Variants in KHDRBS2 observed in about 807,000 individuals in gnomAD.
KHDRBS2 encodes KH domain-containing, RNA-binding, signal transduction-associated protein 2.
Under a neutral mutation model 44.3 loss-of-function variants are expected in KHDRBS2, and 26 were observed. That is an observed-to-expected ratio of 0.59 (90% CI 0.43 to 0.81). The LOEUF (loss-of-function observed/expected upper bound fraction) is 0.81. Among genes scored for constraint, KHDRBS2 ranks in the 40% least tolerant of loss-of-function variants. The pLI, the probability that KHDRBS2 is intolerant of heterozygous loss-of-function variation, is 0.00. For missense variants in KHDRBS2, 476 were observed against 433.1 expected (o/e 1.10, Z -0.88); for synonymous variants, 194 against 151.1 (o/e 1.28, Z -2.08).
chr6:61,964,521 C>G (rs1388308090), intron 4 of KHDRBS2, among the ~76,000 whole-genome samples: 1 of 151,994 alleles, frequency 6.6e-6, no homozygotes, highest in Non-Finnish European at 1.5e-5. Flanking sequence ...TGTATTTACA[C>G]ATCGAATTTT....
the KHDRBS2 span, among the ~76,000 whole-genome samples, chr6:61,673,538 C>T: frequency 1.4e-5 from 2 of 144,714 alleles, no homozygotes; most frequent in Non-Finnish European, 3.1e-5. Context: ...TCGTCTCAGC[C>T]CAAAATCTCC....
At chr6:61,731,623 A>C (rs938036431) in intron 7 of KHDRBS2, among the ~76,000 whole-genome samples, 1 of 152,070 alleles carries the variant, frequency 6.6e-6, no homozygotes, top group Non-Finnish European at 1.5e-5. Context: ...AATATTACTT[A>C]AGTCCTAAAG....
chr6:61,667,695 A>C, the KHDRBS2 span, among the ~76,000 whole-genome samples: 1 of 151,274 alleles, frequency 6.6e-6, no homozygotes, highest in African/African-American at 2.4e-5. Context: ...AGCACAGCAG[A>C]CTATTTGGCA....
intron 6 of KHDRBS2, among the ~76,000 whole-genome samples, chr6:61,772,938 A>T (rs569310054): frequency 1.3e-5 from 2 of 151,816 alleles, no homozygotes; most frequent in Non-Finnish European, 2.9e-5. Flanking sequence ...ATGATTTCCA[A>T]TTTCATCCAT....
intron 3 of KHDRBS2, among the ~76,000 whole-genome samples, chr6:61,979,031 T>C (rs1773309383): frequency 6.6e-6 from 1 of 152,148 alleles, no homozygotes; most frequent in Admixed American, 6.5e-5. Context: ...TATTGAAACC[T>C]GGTTAATTCA....
chr6:61,965,799 G>A (rs1018263756), intron 4 of KHDRBS2, among the ~76,000 whole-genome samples: 1 of 151,976 alleles, frequency 6.6e-6, no homozygotes, highest in Non-Finnish European at 1.5e-5. Context: ...TGGGAGTACT[G>A]ATATTTTGAT....
chr6:62,167,292 A>G (rs1167950415), intron 2 of KHDRBS2, among the ~76,000 whole-genome samples: 2 of 152,128 alleles, frequency 1.3e-5, no homozygotes, highest in African/African-American at 2.4e-5. Flanking sequence ...GTCATAAAAA[A>G]TGATGTGAGT....
chr6:61,863,711 C>A (rs762352254), intron 6 of KHDRBS2, among the ~76,000 whole-genome samples: 9 of 151,882 alleles, frequency 5.9e-5, no homozygotes, highest in Non-Finnish European at 1.3e-4. Context: ...ATTATGTGGT[C>A]AATTTTAGAG....
At chr6:61,775,453 C>CA (rs1433961809) in intron 6 of KHDRBS2, among the ~76,000 whole-genome samples, 2 of 152,110 alleles carry the variant, frequency 1.3e-5, no homozygotes, top group East Asian at 3.9e-4. Flanking sequence ...TCTCAGGATA[C>CA]AAAAATCAAT....
chr6:61,551,261 T>C, the KHDRBS2 span, among the ~76,000 whole-genome samples: 58 of 152,194 alleles, frequency 3.8e-4, no homozygotes, highest in Admixed American at 2.0e-4. Context: ...AAGTTTTGGT[T>C]ATTAGACCTT....
intron 7 of KHDRBS2, among the ~76,000 whole-genome samples, chr6:61,725,979 G>T (rs1410222761): frequency 6.6e-6 from 1 of 152,090 alleles, no homozygotes; most frequent in Non-Finnish European, 1.5e-5. Flanking sequence ...GCCAAAACCT[G>T]GCAGAGATAC....
the KHDRBS2 span, among the ~76,000 whole-genome samples, chr6:61,566,279 A>G: frequency 6.6e-6 from 1 of 152,172 alleles, no homozygotes; most frequent in Non-Finnish European, 1.5e-5. Context: ...GCTAATGTGT[A>G]CAAAAATTAC....
chr6:61,825,638 T>C (rs1314496651), intron 6 of KHDRBS2, among the ~76,000 whole-genome samples: 1 of 152,162 alleles, frequency 6.6e-6, no homozygotes, highest in Non-Finnish European at 1.5e-5. Flanking sequence ...GTTTAAAATT[T>C]ATATGTGCTT....
At chr6:61,579,109 C>T in the KHDRBS2 span, among the ~76,000 whole-genome samples, 2 of 152,116 alleles carry the variant, frequency 1.3e-5, no homozygotes, top group African/African-American at 2.4e-5. Flanking sequence ...CTCAGGATTA[C>T]CAGTAGTATA....
At chr6:62,105,070 C>T (rs756250753) in intron 2 of KHDRBS2, among the ~76,000 whole-genome samples, 1 of 151,952 alleles carries the variant, frequency 6.6e-6, no homozygotes, top group African/African-American at 2.4e-5. Flanking sequence ...AAACAAACAA[C>T]CATTCTCAAC....
At chr6:62,088,843 C>T (rs1798929192) in intron 2 of KHDRBS2, among the ~76,000 whole-genome samples, 1 of 152,186 alleles carries the variant, frequency 6.6e-6, no homozygotes, top group Admixed American at 6.5e-5. Context: ...CCCAGGTGCT[C>T]TGTCCCGGGT....
chr6:61,548,553 A>G, the KHDRBS2 span, among the ~76,000 whole-genome samples: 1 of 152,182 alleles, frequency 6.6e-6, no homozygotes, highest in Non-Finnish European at 1.5e-5. Context: ...GTCCTTGCAG[A>G]TAACATTATC....
At chr6:62,067,592 C>T (rs193152646) in intron 2 of KHDRBS2, among the ~76,000 whole-genome samples, 22 of 151,470 alleles carry the variant, frequency 1.5e-4, no homozygotes, top group Admixed American at 7.9e-4. Context: ...ATATAGTTTA[C>T]GTACCATAAA....
chr6:61,546,673 G>A, the KHDRBS2 span, among the ~76,000 whole-genome samples: 160 of 152,216 alleles, frequency 1.1e-3, no homozygotes, highest in African/African-American at 3.7e-3. Context: ...GAATCAGTGA[G>A]TATCAGTGGT....
Sources: gnomAD v4.1 joint callset for allele counts (sites outside exome capture counted in the v4.1 genomes callset) on GRCh38, gnomAD v4.1.1 for gene constraint, MANE v1.5 for transcripts, NCBI Gene and HGNC (gene_info 2026-07-23, HGNC 2026-07-21) for gene names.